Variants in AASDH observed in about 807,000 individuals in gnomAD.
The protein encoded by AASDH is beta-alanine-activating enzyme.
In AASDH, 81 loss-of-function variants were observed where a neutral mutation model predicts 102.3. The observed-to-expected ratio is 0.79, with a 90% CI of 0.66 to 0.95. AASDH has a LOEUF of 0.95. Ranked by LOEUF, AASDH falls within the 40% of genes least tolerant of loss-of-function variation. AASDH has a pLI of 0.00. For synonymous variants in AASDH, 398 were observed against 454.0 expected (o/e 0.88, Z 1.57); for missense variants, 1,203 against 1,266.2 (o/e 0.95, Z 0.76).
Position 56,355,239 on chromosome 4 carries a change from A to G in AASDH, c.1046T>C (p.Val349Ala). The change falls in exon 6 of 15, where the codon GTA becomes GCA. Residue 349 changes from valine (V) to alanine (A), a missense_variant. Physicochemically the swap from Val to Ala is moderately conservative, Grantham distance 64. Coordinates refer to ENST00000205214, the MANE Select transcript of AASDH (RefSeq NM_181806.4). The part of the protein sequence containing the change: ...QIFNVYGITE[V>A]SSWATIYRIP... ...CCTATAAATGGTCGCCCAACTTGATACCTCTGTGATACCATAAACATTAAA... is the reference window on the plus strand; with the variant it reads ...CCTATAAATGGTCGCCCAACTTGATGCCTCTGTGATACCATAAACATTAAA... The G allele has an allele frequency of 6.2e-7, 1 of 1,613,944 alleles. No homozygotes were observed. Among genetic ancestry groups the G allele is most frequent in the Non-Finnish European group, 8.5e-7 (1 of 1,179,942 alleles).
At chr4:56,343,833 T>C (rs1477025166) in intron 12 of AASDH, 149 bp from the exon 13 acceptor site, 2 of 799,302 alleles carry the variant, frequency 2.5e-6, no homozygotes, top group East Asian at 2.9e-5. Context: ...CAGATTAGTA[T>C]AAAGACAAAG....
chr4:56,354,935 T>C, intron 6 of AASDH, 124 bp from the exon 7 acceptor site: 1 of 860,472 alleles, frequency 1.2e-6, no homozygotes, highest in Admixed American at 3.4e-5. Context: ...ATTCAAAGAC[T>C]GACAAGAGGA....
rs762445416 is a variant in AASDH at position 56,369,551 on chromosome 4, A to G, written c.861+1900T>C. On this transcript the variant is annotated intron_variant, in intron 5 of 14. Coordinates refer to ENST00000205214, the MANE Select transcript of AASDH (RefSeq NM_181806.4). Reference sequence around the variant, plus strand: ...GCCTTAAAGAAGTTCAAAGTATCAAATTTTGTTTTTATAGCAGAAGTTTAA... The same window carrying G: ...GCCTTAAAGAAGTTCAAAGTATCAAGTTTTGTTTTTATAGCAGAAGTTTAA... Among the ~76,000 whole-genome samples the G allele has an allele frequency of 6.8e-4, 103 of 152,208 alleles. 1 individual carries two copies. The highest frequency in any genetic ancestry group is 3.2e-3 in the Middle Eastern group (1 of 316).
At chr4:56,361,408 C>CA (rs1750281366) in intron 5 of AASDH, among the ~76,000 whole-genome samples, 1 of 151,070 alleles carries the variant, frequency 6.6e-6, no homozygotes, top group Non-Finnish European at 1.5e-5. Context: ...GATTCCATCT[C>CA]AAAAAAATAA....
At position 56,382,561 on chromosome 4, in the gene AASDH, C is replaced by T. The variant is rs74782565; in HGVS notation, c.267G>A (p.Glu89=). The T allele has an allele frequency of 5.0e-4, 800 of 1,611,560 alleles. 4 individuals are homozygous for T. The African/African-American group carries it at 8.7e-3, about 17-fold the overall frequency. The change falls in exon 3 of 15, where the codon GAG becomes GAA. Residue 89 remains glutamate (E), a synonymous_variant. Transcript: ENST00000205214. ...LQVPAAYVPI[E]PDSPPSLSTH... is the part of the protein sequence containing the mutation. The stretch of plus-strand genomic sequence containing the variant: ...TTGATAATGACGGTGGTGAATCTGG[C>T]TCGATAGGTACATAAGCAGCCGGGA...
intron 11 of AASDH, chr4:56,348,860 C>A: frequency 5.5e-6 from 1 of 183,428 alleles, no homozygotes; most frequent in South Asian, 1.4e-4. Context: ...CACGTGAAAG[C>A]CCTGAGCCAG....
chr4:56,364,505 C>T (rs1402178734), intron 5 of AASDH, among the ~76,000 whole-genome samples: 2 of 152,198 alleles, frequency 1.3e-5, no homozygotes, highest in African/African-American at 4.8e-5. Flanking sequence ...GCCCATCAGA[C>T]TAACAGCTGA....
rs755357611 is a variant in AASDH at position 56,378,427 on chromosome 4, T to C, written c.389A>G (p.Asp130Gly). ...GTCATTATGTTCCACTGTAAATGTA[T>C]CATAGTTCAATAATGTTTCATGAAA... is the stretch of plus-strand genomic sequence containing the variant. ...KSFHETLLNYDTFTVEHNDLV... is the reference protein window; with the variant it reads ...KSFHETLLNYGTFTVEHNDLV... Residue 130 changes from aspartate (D) to glycine (G), a missense_variant, in exon 4 of 15, where the codon GAT becomes GGT. Asp to Gly is a moderately conservative substitution (Grantham distance 94). Coordinates refer to ENST00000205214, the MANE Select transcript of AASDH (RefSeq NM_181806.4). The C allele has an allele frequency of 6.2e-7, 1 of 1,608,984 alleles. No individual in the cohort carries two copies. Among genetic ancestry groups the C allele is most frequent in the Admixed American group, 1.7e-5 (1 of 58,994 alleles).
At chr4:56,358,553 A>T (rs571171499) in intron 5 of AASDH, among the ~76,000 whole-genome samples, 1 of 151,708 alleles carries the variant, frequency 6.6e-6, no homozygotes, top group Admixed American at 6.6e-5. Flanking sequence ...TTTTTAAAAA[A>T]TCATAAATGG....
At chr4:56,355,100 C>T (rs1749442144) in intron 6 of AASDH, 82 bp downstream of exon 6, 17 of 1,453,582 alleles carry the variant, frequency 1.2e-5, no homozygotes, top group Non-Finnish European at 1.5e-5. Flanking sequence ...ATTACCCCAG[C>T]ACCTATCAAA....
At chr4:56,340,354 C>G (rs909051169) in intron 14 of AASDH, among the ~76,000 whole-genome samples, 3 of 152,064 alleles carry the variant, frequency 2.0e-5, no homozygotes, top group African/African-American at 7.2e-5. Context: ...AATGGAGAAC[C>G]TAGAAATAAA....
At chr4:56,355,773 C>A (rs1460023907) in intron 5 of AASDH, among the ~76,000 whole-genome samples, 2 of 151,844 alleles carry the variant, frequency 1.3e-5, no homozygotes, top group Non-Finnish European at 2.9e-5. Context: ...GCACGTACCA[C>A]CACACCTAGC....
intron 3 of AASDH, among the ~76,000 whole-genome samples, chr4:56,380,425 G>A (rs1267545229): frequency 6.6e-6 from 1 of 152,138 alleles, no homozygotes; most frequent in East Asian, 1.9e-4. Context: ...CAACCCAGAA[G>A]CCTACAGTGT....
intron 9 of AASDH, among the ~76,000 whole-genome samples, 163 bp from the exon 10 acceptor site, chr4:56,351,620 A>C (rs981307466): frequency 6.6e-6 from 1 of 152,166 alleles, no homozygotes; most frequent in Non-Finnish European, 1.5e-5. Context: ...TGATACTACC[A>C]AGAATATACA....
intron 14 of AASDH, among the ~76,000 whole-genome samples, chr4:56,339,520 G>A (rs1747381098): frequency 1.3e-5 from 2 of 152,176 alleles, no homozygotes; most frequent in South Asian, 4.1e-4. Context: ...GGAGGCCAAG[G>A]CAGGCAGATC....
intron 11 of AASDH, 190 bp downstream of exon 11, chr4:56,349,073 C>G (rs1748660936): frequency 3.2e-6 from 2 of 623,766 alleles, no homozygotes; most frequent in Admixed American, 6.0e-5. Context: ...AATAGCTATA[C>G]AGGTAGGTTC....
intron 1 of AASDH, among the ~76,000 whole-genome samples, chr4:56,386,309 A>ATCTATAC (rs1753546257): frequency 6.6e-6 from 1 of 152,222 alleles, no homozygotes; most frequent in Non-Finnish European, 1.5e-5. Context: ...CAGGTAGCGC[A>ATCTATAC]GAAGGGTACC....
Position 56,372,727 on chromosome 4 carries a change from T to A in AASDH, c.669-1084A>T, listed in dbSNP as rs192519621. On this transcript the variant is annotated intron_variant, in intron 4 of 14. Transcript: ENST00000205214. ...AAGGCTGTGATACCTTTCCTCCCCA[T>A]CATAAGGCTCACAGCCCACACTCTT... Among the ~76,000 whole-genome samples, 317 of 152,262 alleles carry A rather than the reference T, an allele frequency of 2.1e-3. 3 individuals carry two copies. The highest frequency in any genetic ancestry group is 7.3e-3 in the African/African-American group (305 of 41,520).
chr4:56,354,147 A>G lies in AASDH; in HGVS notation c.1275T>C (p.Ala425=). The change falls in exon 8 of 15, where the codon GCT becomes GCC. Residue 425 remains alanine (A), a synonymous_variant. Coordinates refer to ENST00000205214, the MANE Select transcript of AASDH (RefSeq NM_181806.4). ...EVTVPLGTMR[A]TGDFVTVKDG... ...CTTTCACAGTCACAAAGTCTCCTGT[A>G]GCTCGCATTGTGCCAAGTGGTACTG... is the stretch of plus-strand genomic sequence containing the variant. 3.1e-6 allele frequency: 5 copies of G among 1,612,290 alleles called. No homozygotes were observed. The highest frequency in any genetic ancestry group is 4.2e-6 in the Non-Finnish European group (5 of 1,178,752).
Sources: allele counts gnomAD v4.1 joint callset (sites outside exome capture counted in the v4.1 genomes callset), GRCh38; gene constraint gnomAD v4.1.1; transcripts MANE v1.5; gene names NCBI Gene and HGNC (gene_info 2026-07-23, HGNC 2026-07-21).